The following CCNY variants were observed in gnomAD, a reference collection of about 807,000 sequenced individuals.
CCNY encodes cyclin Y.
Under a neutral mutation model 42.8 loss-of-function variants are expected in CCNY, and 19 were observed. The ratio of observed to expected loss-of-function variants is 0.44; its 90% CI spans 0.31 to 0.65. CCNY has a LOEUF of 0.65. CCNY is among the 30% of genes least tolerant of loss of function. The probability of loss-of-function intolerance (pLI) is 0.07; values close to 1 mark genes in which losing one functional copy is unlikely to be tolerated. For missense variants in CCNY, 370 were observed against 437.3 expected, an observed-to-expected ratio of 0.85 and a Z score of 1.37; for synonymous variants, 165 against 162.7, an observed-to-expected ratio of 1.01 and a Z score of -0.11.
chr10:35,568,111 G>T (rs1841607663), intron 9 of CCNY, among the ~76,000 whole-genome samples: 1 of 152,184 alleles, frequency 6.6e-6, no homozygotes, highest in Admixed American at 6.5e-5. Flanking sequence ...ACACAGCTCT[G>T]CAGGAAAGTG....
chr10:35,558,367 GA>G (rs1841401485), intron 8 of CCNY, among the ~76,000 whole-genome samples: 1 of 152,244 alleles, frequency 6.6e-6, no homozygotes, highest in Admixed American at 6.5e-5. Flanking sequence ...AGAGTGAAAT[GA>G]AAGTTACAGA....
intron 1 of CCNY, among the ~76,000 whole-genome samples, chr10:35,397,103 T>A (rs1309723940): frequency 1.3e-5 from 2 of 152,074 alleles, no homozygotes; most frequent in East Asian, 1.9e-4. Context: ...AGGGCTGGGG[T>A]CCCTCTGCCA....
intron 1 of CCNY, among the ~76,000 whole-genome samples, chr10:35,409,046 T>C (rs1257279455): frequency 1.3e-5 from 2 of 152,142 alleles, no homozygotes; most frequent in Non-Finnish European, 2.9e-5. Flanking sequence ...ATTTACCCTA[T>C]GTAATAGCTT....
In CCNY at chr10:35,336,656, C is replaced by A. The variant is rs1245356353; in HGVS notation, c.-398C>A. ...CCGGAACCTCTTGCCGAGGCGGCCG[C>A]CGTCGCCGCAGCCGCCGGGGAAGCG... is the stretch of plus-strand genomic sequence containing the variant. On this transcript the variant is annotated 5_prime_UTR_variant, in exon 1 of 10. Transcript: ENST00000374704. Among the ~76,000 whole-genome samples, 16 of 147,920 alleles carry A rather than the reference C, an allele frequency of 1.1e-4. No homozygotes were observed. The South Asian group carries it at 3.3e-3, about 31-fold the overall frequency.
At chr10:35,552,609 A>G (rs527901362) in intron 7 of CCNY, among the ~76,000 whole-genome samples, 14 of 152,362 alleles carry the variant, frequency 9.2e-5, no homozygotes, top group African/African-American at 3.4e-4. Flanking sequence ...CAACAACTGC[A>G]TGTATATCTA....
chr10:35,318,582 T>C (rs995570571), intron 3 of CCNY, among the ~76,000 whole-genome samples: 1 of 152,306 alleles, frequency 6.6e-6, no homozygotes, highest in South Asian at 2.1e-4. Context: ...AACTAAAATG[T>C]GACAGAAGCC....
At chr10:35,505,403 CA>C (rs112231407) in intron 3 of CCNY, among the ~76,000 whole-genome samples, 1,654 of 131,086 alleles carry the variant, frequency 0.013, 22 homozygotes, top group African/African-American at 0.042. Context: ...GTGTGATCCT[CA>C]AAAAAAAAAA....
At chr10:35,353,959 C>T (rs1836483883) in intron 1 of CCNY, among the ~76,000 whole-genome samples, 1 of 152,182 alleles carries the variant, frequency 6.6e-6, no homozygotes. Context: ...CAGCTGAGCT[C>T]TCAGGTGGGG....
intron 1 of CCNY, among the ~76,000 whole-genome samples, chr10:35,431,654 A>G (rs1278879090): frequency 6.6e-6 from 1 of 151,792 alleles, no homozygotes; most frequent in Non-Finnish European, 1.5e-5. Context: ...CATTCTTTAG[A>G]GTTTTGATAC....
At chr10:35,280,885 T>C (rs1208556496) in intron 3 of CCNY, among the ~76,000 whole-genome samples, 1 of 152,064 alleles carries the variant, frequency 6.6e-6, no homozygotes, top group Non-Finnish European at 1.5e-5. Flanking sequence ...CATAAAGAGC[T>C]CTTACAACTC....
chr10:35,544,159 A>G (rs958635707), intron 7 of CCNY, among the ~76,000 whole-genome samples: 1 of 152,190 alleles, frequency 6.6e-6, no homozygotes, highest in African/African-American at 2.4e-5. Flanking sequence ...TATCAAGTCC[A>G]CAGTAGTGTA....
chr10:35,282,545 G>A (rs566278347), intron 3 of CCNY, among the ~76,000 whole-genome samples: 2 of 151,874 alleles, frequency 1.3e-5, no homozygotes, highest in South Asian at 2.1e-4. Flanking sequence ...GGCCAACATG[G>A]TGAAACCCTG....
chr10:35,473,036 T>C (rs1027803769), intron 1 of CCNY, among the ~76,000 whole-genome samples: 2 of 152,262 alleles, frequency 1.3e-5, no homozygotes, highest in African/African-American at 2.4e-5. Context: ...CAAAAAATTA[T>C]GAGTCCAGTG....
At chr10:35,424,037 C>T (rs1053102301) in intron 1 of CCNY, among the ~76,000 whole-genome samples, 1 of 152,078 alleles carries the variant, frequency 6.6e-6, no homozygotes, top group Non-Finnish European at 1.5e-5. Context: ...TCTGTGGCCA[C>T]ACTGCCTGGG....
At chr10:35,423,068 C>T (rs1838192499) in intron 1 of CCNY, among the ~76,000 whole-genome samples, 2 of 152,178 alleles carry the variant, frequency 1.3e-5, no homozygotes, top group South Asian at 2.1e-4. Flanking sequence ...AACTCTCCAC[C>T]TCCCCAGTCT....
At chr10:35,546,107 G>T (rs895445322) in intron 7 of CCNY, among the ~76,000 whole-genome samples, 4 of 152,168 alleles carry the variant, frequency 2.6e-5, no homozygotes, top group Non-Finnish European at 4.4e-5. Context: ...TCACCCGTAT[G>T]ATTTCAACCT....
At chr10:35,432,968 C>G (rs1396329834) in intron 1 of CCNY, among the ~76,000 whole-genome samples, 2 of 152,140 alleles carry the variant, frequency 1.3e-5, no homozygotes, top group Non-Finnish European at 2.9e-5. Flanking sequence ...GACTAACGTG[C>G]CATTAGCATT....
At chr10:35,318,226 CTAAA>C (rs550041080) in intron 3 of CCNY, among the ~76,000 whole-genome samples, 37 of 151,050 alleles carry the variant, frequency 2.4e-4, no homozygotes, top group African/African-American at 2.9e-4. Context: ...GACCCTATTT[CTAAA>C]TAAATAAATA....
Position 35,516,591 on chromosome 10 carries a change from C to T in CCNY, c.333C>T (p.Val111=). 2 of 1,604,740 alleles carry T rather than the reference C, an allele frequency of 1.2e-6. No individual in the cohort carries two copies. Among genetic ancestry groups the T allele is most frequent in the Non-Finnish European group, 1.7e-6 (2 of 1,174,706 alleles). The change falls in exon 4 of 10, where the codon GTC becomes GTT. Residue 111 remains valine (V), a synonymous_variant. Coordinates refer to ENST00000374704, the MANE Select transcript of CCNY (RefSeq NM_145012.6). ...CSTIFLDDST[V]SQPNLKYTIK... ...CCATTTTCCTAGATGATAGCACAGT[C>T]AGTCAACCAAACCTCAAGTATACAA...
Sources: gnomAD v4.1 joint callset for allele counts (sites outside exome capture counted in the v4.1 genomes callset) on GRCh38, gnomAD v4.1.1 for gene constraint, MANE v1.5 for transcripts, NCBI Gene and HGNC (gene_info 2026-07-23, HGNC 2026-07-21) for gene names.